The following AGK variants were observed in gnomAD, a reference collection of about 807,000 sequenced individuals.
AGK encodes acylglycerol kinase, mitochondrial.
Under a neutral mutation model 66.4 loss-of-function variants are expected in AGK, and 52 were observed. The ratio of observed to expected loss-of-function variants is 0.78; its 90% CI spans 0.63 to 0.99. AGK has a LOEUF of 0.99. Ranked by LOEUF, AGK falls within the 50% of genes least tolerant of loss-of-function variation. The probability of loss-of-function intolerance (pLI) is 0.00; values close to 1 mark genes in which losing one functional copy is unlikely to be tolerated. For missense variants in AGK, 451 were observed against 506.6 expected, an observed-to-expected ratio of 0.89 and a Z score of 1.05; for synonymous variants, 182 against 181.1, an observed-to-expected ratio of 1.00 and a Z score of -0.04.
chr7:141,624,971 C>T (rs1199092687), intron 9 of AGK, among the ~76,000 whole-genome samples: 1 of 152,144 alleles, frequency 6.6e-6, no homozygotes, highest in East Asian at 1.9e-4. Context: ...TCACATCCAC[C>T]CCAACCTTCA....
intron 5 of AGK, among the ~76,000 whole-genome samples, chr7:141,607,816 T>C (rs1250326480): frequency 1.3e-5 from 2 of 152,126 alleles, no homozygotes; most frequent in East Asian, 3.9e-4. Flanking sequence ...TGTCTAGATT[T>C]TTTTTCTGGG....
intron 4 of AGK, chr7:141,597,390 T>C (rs983071858): frequency 3.9e-5 from 6 of 152,182 alleles, no homozygotes; most frequent in Non-Finnish European, 8.8e-5. Flanking sequence ...GCAAAACTTT[T>C]TTTTACAATG....
At chr7:141,631,499 C>G (rs552286178) in intron 9 of AGK, among the ~76,000 whole-genome samples, 2 of 152,276 alleles carry the variant, frequency 1.3e-5, no homozygotes, top group South Asian at 4.1e-4. Flanking sequence ...ACTTATTACA[C>G]CCCAAAATTC....
intron 9 of AGK, among the ~76,000 whole-genome samples, chr7:141,624,866 A>G (rs933709872): frequency 2.0e-5 from 3 of 152,248 alleles, no homozygotes; most frequent in African/African-American, 7.2e-5. Flanking sequence ...TATAGGTCAC[A>G]TGCTATCGAA....
chr7:141,646,069 AG>A (rs757224882), intron 13 of AGK, among the ~76,000 whole-genome samples: 2 of 152,046 alleles, frequency 1.3e-5, no homozygotes, highest in Non-Finnish European at 2.9e-5. Context: ...GCCTGCGGAG[AG>A]GGAGCCCACA....
At chr7:141,643,651 T>G (rs1226300112) in intron 13 of AGK, among the ~76,000 whole-genome samples, 3 of 152,018 alleles carry the variant, frequency 2.0e-5, no homozygotes, top group Non-Finnish European at 4.4e-5. Context: ...ATAAAAGAAA[T>G]AAGCATATGA....
At chr7:141,630,137 C>T (rs1212376807) in intron 9 of AGK, among the ~76,000 whole-genome samples, 1 of 152,188 alleles carries the variant, frequency 6.6e-6, no homozygotes, top group Non-Finnish European at 1.5e-5. Flanking sequence ...TCAGACATAG[C>T]ACTTGTTAAC....
At position 141,598,449 on chromosome 7, in the gene AGK, T is replaced by C. The variant is rs1188325348; in HGVS notation, c.221+1808T>C. On this transcript the variant is annotated intron_variant, in intron 4 of 15. Coordinates refer to ENST00000649286, the MANE Select transcript of AGK (RefSeq NM_018238.4). This position sits in a 1 kb window ranked among gnomAD's most constrained non-coding sequence, Gnocchi z 4.2. ...AGTTTGAGGAATCTGGTCTGTTTAC[T>C]GTTTTGCCACTTACTAGCTCTATGA... Among the ~76,000 whole-genome samples the C allele has an allele frequency of 6.6e-6, 1 of 152,210 alleles. No homozygotes were observed. Among genetic ancestry groups the C allele is most frequent in the Admixed American group, 6.5e-5 (1 of 15,280 alleles).
intron 11 of AGK, among the ~76,000 whole-genome samples, chr7:141,639,322 GGC>G (rs1797237233): frequency 1.3e-5 from 2 of 152,084 alleles, no homozygotes; most frequent in Non-Finnish European, 2.9e-5. Context: ...AGATAGGGAA[GGC>G]AAAAGCTGAG....
rs573946223 is a variant in AGK at position 141,634,588 on chromosome 7, C to A, written c.668+608C>A. The stretch of plus-strand genomic sequence containing the variant: ...CCATTGTATGCAATGAAACTCTTGG[C>A]TTGGAGAGAGGGTGTGTCATGTTCC... On this transcript the variant is annotated intron_variant, in intron 10 of 15. Transcript: ENST00000649286. Among the ~76,000 whole-genome samples the A allele has an allele frequency of 4.6e-5, 7 of 152,238 alleles. No homozygotes were observed. In the East Asian group the frequency reaches 1.4e-3, roughly 29 times the overall value.
chr7:141,570,713 C>T (rs1451000606), intron 2 of AGK, among the ~76,000 whole-genome samples: 4 of 149,900 alleles, frequency 2.7e-5, no homozygotes, highest in East Asian at 3.9e-4. Context: ...GTACCTTACT[C>T]CAATAGGAAG....
chr7:141,652,659 A>G, intron 15 of AGK, 128 bp from the exon 16 acceptor site: 1 of 1,001,246 alleles, frequency 1.0e-6, no homozygotes, highest in African/African-American at 1.6e-5. Flanking sequence ...GTAAAAGAAC[A>G]TTAGGATAGC....
chr7:141,637,055 T>C (rs754978822), intron 11 of AGK, 38 bp downstream of exon 11: 25 of 1,570,012 alleles, frequency 1.6e-5, no homozygotes. Flanking sequence ...TGCTGTGTTA[T>C]TTTGTTGTTT....
Position 141,653,153 on chromosome 7 carries a change from T to G in AGK, c.*229T>G. On this transcript the variant is annotated 3_prime_UTR_variant, in exon 16 of 16. Coordinates refer to ENST00000649286, the MANE Select transcript of AGK (RefSeq NM_018238.4). ...TTTATTTTGGTGTGACGGTTGGCCCTCCTAAACACGGACTTTCCTCAGGCT... is the reference window on the plus strand; with the variant it reads ...TTTATTTTGGTGTGACGGTTGGCCCGCCTAAACACGGACTTTCCTCAGGCT... 4.0e-6 allele frequency: 2 copies of G among 499,546 alleles called. No homozygotes were observed. The highest frequency in any genetic ancestry group is 6.8e-5 in the East Asian group (2 of 29,574). 30.9% of individuals were successfully genotyped at this position (499,546 alleles called of 1,614,324 possible).
chr7:141,615,749 T>C, intron 8 of AGK, 184 bp downstream of exon 8: 1 of 589,990 alleles, frequency 1.7e-6, no homozygotes. Context: ...GTTGTGGGAC[T>C]CTTATAATAA....
intron 12 of AGK, 93 bp from the exon 13 acceptor site, chr7:141,641,718 G>T: frequency 9.7e-7 from 1 of 1,029,106 alleles, no homozygotes. Context: ...GAAAGGTTGA[G>T]AAGCTGAGCT....
intron 8 of AGK, chr7:141,616,257 TG>T (rs1171696934): frequency 6.6e-6 from 1 of 152,210 alleles, no homozygotes; most frequent in Non-Finnish European, 1.5e-5. Flanking sequence ...AGCAAATAGT[TG>T]TCAAGAAGAC....
At chr7:141,618,143 A>G (rs1364344934) in intron 8 of AGK, among the ~76,000 whole-genome samples, 1 of 152,148 alleles carries the variant, frequency 6.6e-6, no homozygotes, top group African/African-American at 2.4e-5. Flanking sequence ...GTTTAGGTGG[A>G]TTTGATTCCT....
chr7:141,553,209 G>A (rs1786932176), intron 1 of AGK, among the ~76,000 whole-genome samples: 1 of 152,106 alleles, frequency 6.6e-6, no homozygotes, highest in Non-Finnish European at 1.5e-5. Flanking sequence ...AGTCTCATAA[G>A]GACACTAATC....
Sources: gnomAD v4.1 joint callset for allele counts (sites outside exome capture counted in the v4.1 genomes callset) on GRCh38, gnomAD v4.1.1 for gene constraint, Gnocchi (gnomAD v3.1) non-coding constraint, MANE v1.5 for transcripts, NCBI Gene and HGNC (gene_info 2026-07-23, HGNC 2026-07-21) for gene names.